The following CEL variants were observed in gnomAD, a reference collection of about 807,000 sequenced individuals.
The protein encoded by CEL is bile salt-activated lipase.
Under a neutral mutation model 57.1 loss-of-function variants are expected in CEL, and 39 were observed. That is an observed-to-expected ratio of 0.68 (90% confidence interval 0.53 to 0.89). The LOEUF (loss-of-function observed/expected upper bound fraction) is 0.89, where lower values mean the gene tolerates loss of function less well. CEL is among the 40% of genes least tolerant of loss of function. The pLI is 0.00. For missense variants in CEL, 698 were observed against 915.0 expected, an observed-to-expected ratio of 0.76 and a Z score of 3.06; for synonymous variants, 314 against 396.6, an observed-to-expected ratio of 0.79 and a Z score of 2.48.
intron 1 of CEL, among the ~76,000 whole-genome samples, chr9:133,063,598 A>G (rs907460105): frequency 9.2e-5 from 14 of 152,214 alleles, no homozygotes; most frequent in African/African-American, 3.4e-4. Flanking sequence ...CTGCTGCCCA[A>G]GATGGACAGG....
At chr9:133,070,929 C>G in intron 10 of CEL, 58 bp from the exon 11 acceptor site, 1 of 1,586,232 alleles carries the variant, frequency 6.3e-7, no homozygotes, top group South Asian at 1.1e-5. Flanking sequence ...AGGTGGAGAG[C>G]AGGGCTTCAG....
intron 7 of CEL, among the ~76,000 whole-genome samples, chr9:133,068,452 G>T (rs928847672): frequency 3.9e-5 from 6 of 152,024 alleles, no homozygotes; most frequent in Admixed American, 1.3e-4. Context: ...TCACAGCTGG[G>T]GAGGGGGTGC....
Position 133,067,120 on chromosome 9 carries a change from T to G in CEL, c.810T>G (p.Asp270Glu). 1 of 1,614,150 alleles carries G rather than the reference T, an allele frequency of 6.2e-7. No homozygotes were observed. Among genetic ancestry groups the G allele is most frequent in the Non-Finnish European group, 8.5e-7 (1 of 1,180,020 alleles). Residue 270 changes from aspartate (D) to glutamate (E), a missense_variant, in exon 7 of 11, where the codon GAT (aspartate) becomes GAG (glutamate). Around this residue, in one of 6 missense-constraint regions of CEL, gnomAD observed 327 missense variants for 374.1 expected, o/e 0.87. Coordinates refer to ENST00000372080, the MANE Select transcript of CEL (RefSeq NM_001807.6). ...AGAAGGTGGGTTGCCCTGTGGGTGA[T>G]GCCGCCAGGATGGCCCAGTGTCTGA... ...VAEKVGCPVGDAARMAQCLKV... is the reference protein window; with the variant it reads ...VAEKVGCPVGEAARMAQCLKV...
intron 3 of CEL, 123 bp downstream of exon 3, chr9:133,064,885 G>A: frequency 1.9e-6 from 3 of 1,560,088 alleles, no homozygotes; most frequent in Non-Finnish European, 2.6e-6. Flanking sequence ...GGCGGGGAGG[G>A]GAGCGCCCAC....
chr9:133,066,961 CA>C lies in CEL; in HGVS notation c.777+17del. 2.0e-6 allele frequency: 2 copies of C among 981,792 alleles called. No individual in the cohort carries two copies. The highest frequency in any genetic ancestry group is 3.1e-6 in the Non-Finnish European group (2 of 650,488). 60.8% of individuals were successfully genotyped at this position (981,792 alleles called of 1,614,324 possible). A position where few individuals can be genotyped will look rare whatever the true frequency, so the allele number is the denominator to read the frequency against. ...GGCCAAAAAGGTAAACGGAGGAGGG[CA>C]GGGCTGGGCGGGGTGGGGGCTGTCC... is the stretch of plus-strand genomic sequence containing the variant. On this transcript the variant is annotated intron_variant, in intron 6 of 10. Transcript: ENST00000372080. The surrounding 1 kb of genome is among the most constrained non-coding windows in gnomAD (Gnocchi z 4.3).
chr9:133,065,294 G>A, intron 4 of CEL, 57 bp downstream of exon 4: 1 of 1,588,020 alleles, frequency 6.3e-7, no homozygotes, highest in Non-Finnish European at 8.6e-7. Context: ...GCCCAGCAGG[G>A]AGATTTTCCT....
Position 133,071,630 on chromosome 9 carries a change from G to C in CEL, c.2128G>C (p.Glu710Gln), listed in dbSNP as rs1281430699. 3.2e-4 allele frequency: 472 copies of C among 1,494,710 alleles called. 9 individuals carry two copies. The highest frequency in any genetic ancestry group is 1.0e-4 in the Non-Finnish European group (110 of 1,099,956). The allele number at this position is 1,494,710 out of a possible 1,614,324, so 92.6% of individuals were successfully genotyped here. A position where few individuals can be genotyped will look rare whatever the true frequency, so the allele number is the denominator to read the frequency against. The change falls in exon 11 of 11, where the codon GAG (glutamate) becomes CAG (glutamine). Residue 710 changes from glutamate (E) to glutamine (Q), a missense_variant. Glu to Gln is a conservative substitution (Grantham distance 29). Coordinates refer to ENST00000372080, the MANE Select transcript of CEL (RefSeq NM_001807.6). ...APPVTPTGDS[E>Q]TAPVPPTGDS... ...CCCCGTGACCCCCACGGGTGACTCC[G>C]AGACCGCCCCCGTGCCGCCCACGGG...
At chr9:133,065,314 T>A in intron 4 of CEL, 77 bp downstream of exon 4, 2 of 1,524,810 alleles carry the variant, frequency 1.3e-6, no homozygotes, top group Non-Finnish European at 1.8e-6. Flanking sequence ...TCAGCACCCC[T>A]CACCCCAAAC....
In CEL at chr9:133,066,649, G is replaced by A. The variant is rs374965842; in HGVS notation, c.658G>A (p.Val220Ile). ...LFGESAGGAS[V>I]SLQTLSPYNK... ...CGGGGAGTCTGCTGGAGGTGCCAGC[G>A]TCTCTCTGCAGGTCTCGGGATCCCT... Residue 220 changes from valine (V) to isoleucine (I), a missense_variant, in exon 5 of 11, where the codon GTC becomes ATC. Physicochemically the swap from Val to Ile is conservative, Grantham distance 29 (BLOSUM62 3). Coordinates refer to ENST00000372080, the MANE Select transcript of CEL (RefSeq NM_001807.6). The surrounding 1 kb of genome is among the most constrained non-coding windows in gnomAD (Gnocchi z 4.3). 28 of 1,613,406 alleles carry A rather than the reference G, an allele frequency of 1.7e-5. No homozygotes were observed. The highest frequency in any genetic ancestry group is 1.6e-4 in the African/African-American group (12 of 74,890).
In CEL at chr9:133,067,075, G is replaced by T. The variant is rs369248889; in HGVS notation, c.778-13G>T. On this transcript the variant is annotated splice_polypyrimidine_tract_variant and intron_variant, in intron 6 of 10. Transcript: ENST00000372080. Reference sequence around the variant, plus strand: ...CGGCCTCACCTACCTGCTGGCCTTGGTTCTGCCCCCAGGTGGCTGAGAAGG... The same window carrying T: ...CGGCCTCACCTACCTGCTGGCCTTGTTTCTGCCCCCAGGTGGCTGAGAAGG... 6.2e-7 allele frequency: 1 copy of T among 1,613,802 alleles called. No homozygotes were observed. Among genetic ancestry groups the T allele is most frequent in the Admixed American group, 1.7e-5 (1 of 60,026 alleles).
intron 4 of CEL, 94 bp downstream of exon 4, chr9:133,065,331 T>TG (rs1830161533): frequency 7.1e-7 from 1 of 1,416,704 alleles, no homozygotes; most frequent in Non-Finnish European, 9.9e-7. Flanking sequence ...AAACAACCAG[T>TG]GGCGGTTCAC....
rs768416841 is a variant in CEL, at chr9:133,066,701, A to G, written c.669+41A>G. 5 of 1,606,998 alleles carry G rather than the reference A, an allele frequency of 3.1e-6. No homozygotes were observed. On this transcript the variant is annotated intron_variant, in intron 5 of 10. Transcript: ENST00000372080. This position sits in a 1 kb window ranked among gnomAD's most constrained non-coding sequence, Gnocchi z 4.3. ...TGGGGAGGGCCTGCCCCACAGGTTG[A>G]GAGGAAGCTCAAACGGGAAGGGGAG...
At chr9:133,069,970 C>T (rs1329467967) in intron 9 of CEL, among the ~76,000 whole-genome samples, 1 of 151,620 alleles carries the variant, frequency 6.6e-6, no homozygotes, top group African/African-American at 2.4e-5. Flanking sequence ...GACTGTGTCT[C>T]GAATAAATAA....
rs1423527683 is a variant in CEL at position 133,064,488 on chromosome 9, A to C, written c.151A>C (p.Lys51Gln). The C allele has an allele frequency of 1.5e-5, 25 of 1,614,162 alleles. No individual in the cohort carries two copies. Among genetic ancestry groups the C allele is most frequent in the Non-Finnish European group, 1.9e-5 (22 of 1,180,004 alleles). Residue 51 changes from lysine to glutamine, a missense_variant, in exon 2 of 11, where the codon AAG (lysine) becomes CAG (glutamine). Physicochemically the swap from Lys to Gln is moderately conservative, Grantham distance 53. Coordinates refer to ENST00000372080, the MANE Select transcript of CEL (RefSeq NM_001807.6). ...GLLGDSVDIF[K>Q]GIPFAAPTKA... ...CCTGGGTGACTCTGTGGACATCTTC[A>C]AGGGCATCCCCTTCGCAGCTCCCAC...
At position 133,065,079 on chromosome 9, in the gene CEL, GC is replaced by G. The variant is rs1316279059; in HGVS notation, c.381del (p.Ala128ProfsTer67). 6.2e-7 allele frequency: 1 copy of G among 1,613,842 alleles called. No homozygotes were observed. The highest frequency in any genetic ancestry group is 1.7e-5 in the Admixed American group (1 of 60,032). ...CCCGTTATGATCTGGATCTATGGAG[GC>G]GCCTTCCTCATGGGGTCCGGCCATG... Reference protein sequence around the residue: ...DLPVMIWIYGGAFLMGSGHGA... With the variant: ...DLPVMIWIYGXAFLMGSGHGA... On this transcript the variant is annotated frameshift_variant, in exon 4 of 11. Coordinates refer to ENST00000372080, the MANE Select transcript of CEL (RefSeq NM_001807.6). LOFTEE classifies it high-confidence loss of function.
At chr9:133,063,823 G>A (rs1261850285) in intron 1 of CEL, among the ~76,000 whole-genome samples, 2 of 152,158 alleles carry the variant, frequency 1.3e-5, no homozygotes, top group Non-Finnish European at 2.9e-5. Flanking sequence ...TTTACCAGCA[G>A]GGGGCTCAGG....
Position 133,065,180 on chromosome 9 carries a change from T to C in CEL, c.481T>C (p.Phe161Leu), listed in dbSNP as rs1343408429. ...ATRGNVIVVT[F>L]NYRVGPLGFL... ...ACGCGGAAACGTCATCGTGGTCACCTTCAACTACCGTGTCGGCCCCCTTGG... is the reference window on the plus strand; with the variant it reads ...ACGCGGAAACGTCATCGTGGTCACCCTCAACTACCGTGTCGGCCCCCTTGG... Residue 161 changes from phenylalanine to leucine, a missense_variant, in exon 4 of 11, where the codon TTC (phenylalanine) becomes CTC (leucine). Physicochemically the swap from Phe to Leu is conservative, Grantham distance 22. This residue lies in a region of CEL where 327 missense variants were observed against 374.1 expected (regional missense o/e 0.87). Coordinates refer to ENST00000372080, the MANE Select transcript of CEL (RefSeq NM_001807.6). The C allele has an allele frequency of 1.9e-6, 3 of 1,613,862 alleles. No individual in the cohort carries two copies. Among genetic ancestry groups the C allele is most frequent in the Non-Finnish European group, 2.5e-6 (3 of 1,180,026 alleles).
At chr9:133,067,006 C>G (rs2119063521) in intron 6 of CEL, 61 bp downstream of exon 6, 1 of 1,604,720 alleles carries the variant, frequency 6.2e-7, no homozygotes, top group Non-Finnish European at 8.5e-7. Context: ...GTTCTTTATC[C>G]TGGACCCCAT....
Position 133,069,919 on chromosome 9 carries a change from C to T in CEL, c.1287-542C>T, listed in dbSNP as rs143057590. ...CAGGGAGGTGGAGGTTGCAGTGAGC[C>T]GAGATTACGCCACTGCACTCCAGCA... On this transcript the variant is annotated intron_variant, in intron 9 of 10. Coordinates refer to ENST00000372080, the MANE Select transcript of CEL (RefSeq NM_001807.6). Among the ~76,000 whole-genome samples, 21 of 151,768 alleles carry T rather than the reference C, an allele frequency of 1.4e-4. 1 individual carries two copies. The highest frequency in any genetic ancestry group is 4.4e-4 in the African/African-American group (18 of 41,198).
Sources: gnomAD v4.1 joint callset for allele counts (sites outside exome capture counted in the v4.1 genomes callset) on GRCh38, gnomAD v4.1.1 for gene constraint, gnomAD v4.1.1 regional missense constraint, Gnocchi (gnomAD v3.1) non-coding constraint, MANE v1.5 for transcripts, NCBI Gene and HGNC (gene_info 2026-07-23, HGNC 2026-07-21) for gene names.